The following ANHX variants were observed in gnomAD, a reference collection of about 807,000 sequenced individuals.
ANHX encodes the protein anomalous homeobox, also known as anomalous homeobox protein.
A neutral mutation model predicts 38.9 loss-of-function variants in ANHX; 20 were observed. The observed-to-expected ratio is 0.51, with a 90% confidence interval of 0.36 to 0.75. The LOEUF (loss-of-function observed/expected upper bound fraction) is 0.75, where lower values mean the gene tolerates loss of function less well. Among genes scored for constraint, ANHX ranks in the 30% least tolerant of loss-of-function variants. ANHX has a pLI of 0.00. For synonymous variants in ANHX, 185 were observed against 203.1 expected, an observed-to-expected ratio of 0.91 and a Z score of 0.76; for missense variants, 475 against 493.1, an observed-to-expected ratio of 0.96 and a Z score of 0.35.
rs1420156198 is a variant in ANHX at position 133,234,198 on chromosome 12, C to G, written c.159G>C (p.Leu53=). ...VTAILDSQLR[L]HLLDNADVAL... is the part of the protein sequence containing the mutation. The stretch of plus-strand genomic sequence containing the variant: ...CCACATCTGCGTTGTCCAGGAGATG[C>G]AGGCGGAGCTGGCTGTCCAGAATGG... Residue 53 remains leucine (L), a synonymous_variant, in exon 2 of 10, where the codon CTG becomes CTC. Transcript: ENST00000545940. The G allele has an allele frequency of 1.3e-6, 2 of 1,536,186 alleles. No homozygotes were observed. The highest frequency in any genetic ancestry group is 1.7e-6 in the Non-Finnish European group (2 of 1,146,922).
intron 8 of ANHX, among the ~76,000 whole-genome samples, chr12:133,219,962 G>A (rs1430026787): frequency 2.0e-5 from 3 of 152,176 alleles, no homozygotes; most frequent in Non-Finnish European, 4.4e-5. Context: ...TCTCAAAGTC[G>A]TCATGCAGAG....
intron 2 of ANHX, among the ~76,000 whole-genome samples, chr12:133,233,440 T>C (rs1957314428): frequency 6.6e-6 from 1 of 152,154 alleles, no homozygotes; most frequent in Admixed American, 6.5e-5. Context: ...TTCAAATTCC[T>C]TTTTGGAAAC....
rs1462441932 is a variant in ANHX, at chr12:133,225,516, T to A, written c.1132+20A>T. 6.6e-6 allele frequency among the ~76,000 whole-genome samples: 1 copy of A among 152,200 alleles called. No homozygotes were observed. The highest frequency in any genetic ancestry group is 1.5e-5 in the Non-Finnish European group (1 of 68,032). On this transcript the variant is annotated intron_variant, in intron 7 of 9. Transcript: ENST00000545940. ...CAGTGTCTGGTGCTGAAACTCATGG[T>A]CTGTCTGAAGTGGACCCACCTGTAG...
intron 1 of ANHX, chr12:133,235,068 T>A (rs1957346008): frequency 6.7e-6 from 1 of 148,430 alleles, no homozygotes; most frequent in Non-Finnish European, 1.5e-5. Flanking sequence ...TGGCGAGGGG[T>A]TCTTTCTGCC....
intron 7 of ANHX, among the ~76,000 whole-genome samples, chr12:133,222,483 T>C (rs569667374): frequency 1.3e-4 from 20 of 151,944 alleles, no homozygotes; most frequent in African/African-American, 3.9e-4. Flanking sequence ...CCACAGAACA[T>C]CCCCCCTCAC....
Position 133,221,602 on chromosome 12 carries a change from T to C in ANHX, c.1133-250A>G, listed in dbSNP as rs952388561. Among the ~76,000 whole-genome samples, 2 of 152,178 alleles carry C rather than the reference T, an allele frequency of 1.3e-5. No individual in the cohort carries two copies. Among genetic ancestry groups the C allele is most frequent in the South Asian group, 4.1e-4 (2 of 4,832 alleles). On this transcript the variant is annotated intron_variant, in intron 7 of 9. Transcript: ENST00000545940. This position sits in a 1 kb window ranked among gnomAD's most constrained non-coding sequence, Gnocchi z 4.1. ...CACGGTTGCTTCTGCTGACTTTAAA[T>C]GCTGCTGTCATCGCAGACCTCATGT...
Position 133,226,338 on chromosome 12 carries a change from G to A in ANHX, c.819C>T (p.Val273=). The A allele has an allele frequency of 3.9e-6, 6 of 1,536,276 alleles. No individual in the cohort carries two copies. The highest frequency in any genetic ancestry group is 5.2e-6 in the Non-Finnish European group (6 of 1,146,908). The part of the protein sequence containing the change: ...LAPDFPADET[V]SKPLDVRSLP... Reference sequence around the variant, plus strand: ...AGTACCTGACATCCAGTGGCTTTGAGACTGTCTCATCTGCGGGAAAGTCCG... The same window carrying A: ...AGTACCTGACATCCAGTGGCTTTGAAACTGTCTCATCTGCGGGAAAGTCCG... Residue 273 remains valine, a synonymous_variant, in exon 6 of 10, where the codon GTC becomes GTT. Transcript: ENST00000545940.
At chr12:133,224,840 G>A (rs533509349) in intron 7 of ANHX, among the ~76,000 whole-genome samples, 31 of 150,480 alleles carry the variant, frequency 2.1e-4, no homozygotes, top group South Asian at 1.3e-3. Context: ...GGTGGCGGGC[G>A]CCTGTAGTCC....
In ANHX at chr12:133,234,379, C is replaced by T; in HGVS notation, c.-22-1G>A. 5 of 1,523,440 alleles carry T rather than the reference C, an allele frequency of 3.3e-6. No homozygotes were observed. The highest frequency in any genetic ancestry group is 4.4e-6 in the Non-Finnish European group (5 of 1,137,432). The allele number at this position is 1,523,440 out of a possible 1,614,324, so 94.4% of individuals were successfully genotyped here. ...CATCCTGTGCTGGGTCGTGGCCACTCTGCCAACACAAACAGTCACAAGAAT... is the reference window on the plus strand; with the variant it reads ...CATCCTGTGCTGGGTCGTGGCCACTTTGCCAACACAAACAGTCACAAGAAT... On this transcript the variant is annotated splice_acceptor_variant, in intron 1 of 9. Coordinates refer to ENST00000545940, the MANE Select transcript of ANHX (RefSeq NM_001372060.1). LOFTEE classifies it low-confidence loss of function (5UTR_SPLICE).
At chr12:133,225,326 C>T (rs907443762) in intron 7 of ANHX, among the ~76,000 whole-genome samples, 23 of 147,498 alleles carry the variant, frequency 1.6e-4, no homozygotes, top group African/African-American at 5.9e-4. Context: ...CACACACACA[C>T]ACACACACAC....
chr12:133,235,721 C>CCCT (rs1479976807), intron 1 of ANHX, 86 bp downstream of exon 1: 1 of 125,192 alleles, frequency 8.0e-6, no homozygotes, highest in Admixed American at 7.4e-5. Context: ...CTGGGACCCC[C>CCCT]GCCCCCGCGC....
chr12:133,224,705 C>A (rs1278925873), intron 7 of ANHX, among the ~76,000 whole-genome samples: 2 of 147,042 alleles, frequency 1.4e-5, no homozygotes, highest in Non-Finnish European at 3.0e-5. Context: ...GTGGCTCACG[C>A]CTGTAATCCC....
chr12:133,231,302 G>A (rs1478178686), intron 3 of ANHX, among the ~76,000 whole-genome samples: 1 of 152,216 alleles, frequency 6.6e-6, no homozygotes, highest in Non-Finnish European at 1.5e-5. Context: ...AGTGGCTGGT[G>A]GAGAGTGTAG....
At chr12:133,224,977 A>C (rs991547141) in intron 7 of ANHX, among the ~76,000 whole-genome samples, 6 of 119,676 alleles carry the variant, frequency 5.0e-5, no homozygotes, top group Admixed American at 3.6e-4. Flanking sequence ...AAAAAAAAAA[A>C]CAAAAACAAA....
Position 133,234,149 on chromosome 12 carries a change from C to T in ANHX, c.208G>A (p.Asp70Asn), listed in dbSNP as rs561234023. Residue 70 changes from aspartate (D) to asparagine (N), a missense_variant, in exon 2 of 10, where the codon GAC becomes AAC. Physicochemically the swap from Asp to Asn is conservative, Grantham distance 23. Transcript: ENST00000545940. ...DVALACARVL[D>N]QQEQQQAACR... ...GCCGCCTGCTGCTGCTCCTGCTGGTCCAGGACACGGGCGCACGCCAGGGCC... is the reference window on the plus strand; with the variant it reads ...GCCGCCTGCTGCTGCTCCTGCTGGTTCAGGACACGGGCGCACGCCAGGGCC... 1 of 1,536,074 alleles carries T rather than the reference C, an allele frequency of 6.5e-7. No homozygotes were observed. The highest frequency in any genetic ancestry group is 1.4e-5 in the African/African-American group (1 of 73,180).
intron 3 of ANHX, among the ~76,000 whole-genome samples, chr12:133,228,347 C>G (rs1957219818): frequency 6.6e-6 from 1 of 152,158 alleles, no homozygotes; most frequent in African/African-American, 2.4e-5. Context: ...GATGGCCCTC[C>G]TGGACACACA....
intron 3 of ANHX, among the ~76,000 whole-genome samples, chr12:133,228,822 A>G (rs1402132116): frequency 1.3e-5 from 2 of 151,972 alleles, no homozygotes; most frequent in Non-Finnish European, 2.9e-5. Context: ...TAAATTTCTC[A>G]CCTCCAGTGG....
intron 3 of ANHX, among the ~76,000 whole-genome samples, chr12:133,228,727 T>C (rs1957227928): frequency 6.6e-6 from 1 of 152,182 alleles, no homozygotes; most frequent in African/African-American, 2.4e-5. Flanking sequence ...CCCATCTCAC[T>C]AAGAACACTC....
chr12:133,219,438 G>T, intron 8 of ANHX, 71 bp from the exon 9 acceptor site: 1 of 1,070,516 alleles, frequency 9.3e-7, no homozygotes, highest in Non-Finnish European at 1.3e-6. Context: ...CCACCCAGCT[G>T]TGCTTTCTCC....
Sources: gnomAD v4.1 joint callset for allele counts (sites outside exome capture counted in the v4.1 genomes callset) on GRCh38, gnomAD v4.1.1 for gene constraint, Gnocchi (gnomAD v3.1) non-coding constraint, MANE v1.5 for transcripts, NCBI Gene and HGNC (gene_info 2026-07-23, HGNC 2026-07-21) for gene names.